LUZP2: variants seen among roughly 807,000 people sequenced by gnomAD.
The protein encoded by LUZP2 is leucine zipper protein 2.
LUZP2 carries 52 observed loss-of-function variants against 51.6 expected under a neutral mutation model. The observed-to-expected ratio is 1.01, with a 90% CI of 0.81 to 1.27. The LOEUF (loss-of-function observed/expected upper bound fraction) is 1.27. Ranked by LOEUF, LUZP2 falls within the 50% of genes most tolerant of loss-of-function variation. The pLI is 0.00. For missense variants in LUZP2, 436 were observed against 395.4 expected (o/e 1.10, Z -0.87); for synonymous variants, 154 against 137.3 (o/e 1.12, Z -0.85).
chr11:24,815,108 C>T (rs1301072304), intron 5 of LUZP2, among the ~76,000 whole-genome samples: 1 of 152,018 alleles, frequency 6.6e-6, no homozygotes, highest in Non-Finnish European at 1.5e-5. Context: ...GAAACTGAAT[C>T]TGTGTTGTTA....
At chr11:24,771,570 G>A (rs1371805122) in intron 5 of LUZP2, among the ~76,000 whole-genome samples, 1 of 151,292 alleles carries the variant, frequency 6.6e-6, no homozygotes, top group Non-Finnish European at 1.5e-5. Context: ...CCATATTCAA[G>A]TCTGTTCTTA....
intron 9 of LUZP2, among the ~76,000 whole-genome samples, chr11:25,006,414 A>G (rs748324807): frequency 2.6e-5 from 4 of 152,104 alleles, no homozygotes; most frequent in Non-Finnish European, 5.9e-5. Context: ...AGGACCCTGG[A>G]GCTGAATGGC....
intron 5 of LUZP2, among the ~76,000 whole-genome samples, chr11:24,821,011 T>G (rs548793848): frequency 1.8e-4 from 27 of 152,158 alleles, no homozygotes; most frequent in African/African-American, 6.5e-4. Flanking sequence ...AAGCAACAAA[T>G]TGGAGTGTAG....
intron 5 of LUZP2, among the ~76,000 whole-genome samples, chr11:24,797,110 C>A (rs905440867): frequency 2.0e-5 from 3 of 152,094 alleles, no homozygotes; most frequent in African/African-American, 7.2e-5. Flanking sequence ...AGTACTAAAT[C>A]TGTAGGGATG....
intron 1 of LUZP2, among the ~76,000 whole-genome samples, chr11:24,545,861 G>A (rs186318937): frequency 6.6e-6 from 1 of 151,782 alleles, no homozygotes; most frequent in Non-Finnish European, 1.5e-5. Context: ...CAGTGAATTT[G>A]TAAATTGCTT....
chr11:24,588,685 G>T (rs1701216909), intron 1 of LUZP2, among the ~76,000 whole-genome samples: 1 of 151,730 alleles, frequency 6.6e-6, no homozygotes, highest in African/African-American at 2.4e-5. Context: ...ATACTAATAT[G>T]AATAATAGCT....
intron 1 of LUZP2, among the ~76,000 whole-genome samples, chr11:24,517,236 A>G (rs887259400): frequency 6.6e-6 from 1 of 152,048 alleles, no homozygotes; most frequent in Non-Finnish European, 1.5e-5. Flanking sequence ...CTGTAACCCC[A>G]GCACTTTGGG....
chr11:24,691,193 C>T (rs1262158748), intron 1 of LUZP2, among the ~76,000 whole-genome samples: 1 of 151,820 alleles, frequency 6.6e-6, no homozygotes, highest in African/African-American at 2.4e-5. Context: ...TGTTCAGTAC[C>T]TGATACGTTT....
At chr11:24,985,698 G>C (rs1346328080) in intron 9 of LUZP2, among the ~76,000 whole-genome samples, 1 of 151,714 alleles carries the variant, frequency 6.6e-6, no homozygotes, top group Non-Finnish European at 1.5e-5. Context: ...TAAAGGGCAA[G>C]AGGAGGTTTT....
intron 9 of LUZP2, among the ~76,000 whole-genome samples, chr11:25,041,601 TA>T (rs1858061471): frequency 6.6e-6 from 1 of 152,196 alleles, no homozygotes; most frequent in Non-Finnish European, 1.5e-5. Context: ...TATACGTATA[TA>T]AAGTGATATG....
chr11:25,012,323 C>T (rs1857010897), intron 9 of LUZP2, among the ~76,000 whole-genome samples: 1 of 152,152 alleles, frequency 6.6e-6, no homozygotes, highest in African/African-American at 2.4e-5. Context: ...ACTTTCATCT[C>T]CCTGACTTAA....
chr11:24,671,678 T>G (rs1856405774), intron 1 of LUZP2, among the ~76,000 whole-genome samples: 1 of 151,962 alleles, frequency 6.6e-6, no homozygotes, highest in South Asian at 2.1e-4. Flanking sequence ...TGGGATAACT[T>G]TAACAGACAC....
At chr11:25,032,592 G>A (rs1277167548) in intron 9 of LUZP2, among the ~76,000 whole-genome samples, 1 of 152,030 alleles carries the variant, frequency 6.6e-6, no homozygotes, top group African/African-American at 2.4e-5. Context: ...TAGAATCATG[G>A]AGAAGCTCTC....
chr11:24,504,075 C>G (rs1400391477), intron 1 of LUZP2, among the ~76,000 whole-genome samples: 1 of 152,100 alleles, frequency 6.6e-6, no homozygotes, highest in Non-Finnish European at 1.5e-5. Context: ...CACCATTTAC[C>G]TCCCATAAGA....
intron 5 of LUZP2, among the ~76,000 whole-genome samples, chr11:24,773,579 C>G (rs184773951): frequency 1.4e-3 from 213 of 150,066 alleles, no homozygotes; most frequent in African/African-American, 5.2e-3. Flanking sequence ...CATCAGCAGC[C>G]GGTGTTGGGA....
At chr11:24,636,729 C>G (rs1396060350) in intron 1 of LUZP2, among the ~76,000 whole-genome samples, 1 of 152,194 alleles carries the variant, frequency 6.6e-6, no homozygotes, top group East Asian at 1.9e-4. Flanking sequence ...GGTGTCTACA[C>G]TTCTTTCCTA....
At position 24,673,310 on chromosome 11, in the gene LUZP2, T is replaced by G. The variant is rs1856455374; in HGVS notation, c.63-55859T>G. 3.3e-5 allele frequency among the ~76,000 whole-genome samples: 5 copies of G among 152,280 alleles called. 1 individual carries two copies. In the South Asian group the frequency reaches 1.0e-3, roughly 32 times the overall value. On this transcript the variant is annotated intron_variant, in intron 1 of 11. Transcript: ENST00000336930. ...ATCTGGTCTCTTGTTGACAAAAATG[T>G]CATGTGGTACACGACTATATATCCT...
intron 1 of LUZP2, among the ~76,000 whole-genome samples, chr11:24,564,471 C>A (rs1852152917): frequency 6.6e-6 from 1 of 152,060 alleles, no homozygotes; most frequent in Admixed American, 6.6e-5. Context: ...CAAAAATAAT[C>A]TTAATGGAGC....
chr11:25,013,147 C>T (rs927707034), intron 9 of LUZP2, among the ~76,000 whole-genome samples: 2 of 152,036 alleles, frequency 1.3e-5, no homozygotes, highest in Non-Finnish European at 2.9e-5. Flanking sequence ...TGCATGTTCT[C>T]CCTTATATGT....
Sources: gnomAD v4.1 joint callset for allele counts (sites outside exome capture counted in the v4.1 genomes callset) on GRCh38, gnomAD v4.1.1 for gene constraint, MANE v1.5 for transcripts, NCBI Gene and HGNC (gene_info 2026-07-23, HGNC 2026-07-21) for gene names.